Variants in AMOTL2 observed in about 807,000 individuals in gnomAD.
The protein encoded by AMOTL2 is angiomotin like 2, also known as angiomotin-like protein 2.
Under a neutral mutation model 78.4 loss-of-function variants are expected in AMOTL2, and 33 were observed. The observed-to-expected ratio is 0.42, with a 90% CI of 0.32 to 0.56. AMOTL2 has a LOEUF of 0.56. Among genes scored for constraint, AMOTL2 ranks in the 20% least tolerant of loss-of-function variants. The pLI, the probability that AMOTL2 is intolerant of heterozygous loss-of-function variation, is 0.12. For synonymous variants in AMOTL2, 422 were observed against 428.8 expected (o/e 0.98, Z 0.20); for missense variants, 983 against 1,030.1 (o/e 0.95, Z 0.63).
At position 134,365,912 on chromosome 3, in the gene AMOTL2, G is replaced by T. The variant is rs1183442048; in HGVS notation, c.1187-3C>A. On this transcript the variant is annotated splice_region_variant and splice_polypyrimidine_tract_variant and intron_variant, in intron 4 of 9. Coordinates refer to ENST00000249883, the MANE Select transcript of AMOTL2 (RefSeq NM_016201.4). ...GCGATTTGCAGATTCCAATCTCTCT[G>T]TTTCAAGGGAAGGAAAGATGTTTTA... is the stretch of plus-strand genomic sequence containing the variant. 6.2e-7 allele frequency: 1 copy of T among 1,613,802 alleles called. No homozygotes were observed. Among genetic ancestry groups the T allele is most frequent in the Non-Finnish European group, 8.5e-7 (1 of 1,179,804 alleles).
chr3:134,364,658 C>G (rs2017530612), intron 5 of AMOTL2, among the ~76,000 whole-genome samples: 1 of 151,958 alleles, frequency 6.6e-6, no homozygotes, highest in Non-Finnish European at 1.5e-5. Context: ...GTGCTGTGTT[C>G]CCCCATTCCC....
rs768912691 is a variant in AMOTL2, at chr3:134,371,483, G to A, written c.-50C>T. On this transcript the variant is annotated 5_prime_UTR_variant, in exon 2 of 10. Transcript: ENST00000249883. ...CCTGGACAATGGCCGGTGGCACCTGGCCCCAGAGCACCTGGAGTGGGGTGG... is the reference window on the plus strand; with the variant it reads ...CCTGGACAATGGCCGGTGGCACCTGACCCCAGAGCACCTGGAGTGGGGTGG... 5 of 1,589,200 alleles carry A rather than the reference G, an allele frequency of 3.1e-6. No homozygotes were observed. The highest frequency in any genetic ancestry group is 4.3e-6 in the Non-Finnish European group (5 of 1,172,046).
chr3:134,367,373 G>T, intron 3 of AMOTL2, 124 bp downstream of exon 3: 1 of 1,158,452 alleles, frequency 8.6e-7, no homozygotes, highest in Non-Finnish European at 1.2e-6. Context: ...AAGACAGAGG[G>T]ATAGGGAGAA....
rs2017064695 is a variant in AMOTL2 at position 134,356,037 on chromosome 3, C to G, written c.*1668G>C. The G allele has an allele frequency of 6.6e-6, 1 of 152,552 alleles. No individual in the cohort carries two copies. Among genetic ancestry groups the G allele is most frequent in the Non-Finnish European group, 1.5e-5 (1 of 68,022 alleles). The allele number at this position is 152,552 out of a possible 1,614,324, so 9.4% of individuals were successfully genotyped here. On this transcript the variant is annotated 3_prime_UTR_variant, in exon 10 of 10. Coordinates refer to ENST00000249883, the MANE Select transcript of AMOTL2 (RefSeq NM_016201.4). ...ATCATGGTCTTTGGCAGAAAATGTT[C>G]ACAGCACAAAAAATACTTTAAAAGA...
chr3:134,374,933 G>T, upstream of AMOTL2: 1 of 1,329,518 alleles, frequency 7.5e-7, no homozygotes, highest in Non-Finnish European at 9.7e-7. Context: ...GTGTGCGTGT[G>T]TGTGTACCGG....
At chr3:134,374,870 G>T, upstream of AMOTL2, 1 of 1,242,420 alleles carries the variant, frequency 8.0e-7, no homozygotes, top group Non-Finnish European at 1.0e-6. Flanking sequence ...TACCACGCGT[G>T]TCCTGGGGTT....
chr3:134,359,463 C>T lies in AMOTL2; in HGVS notation c.1924G>A (p.Val642Met). The change falls in exon 8 of 10, where the codon GTG becomes ATG. Residue 642 changes from valine (V) to methionine (M), a missense_variant. Physicochemically the swap from Val to Met is conservative, Grantham distance 21. Transcript: ENST00000249883. ...LHAQILEKDA[V>M]IKVLQQRSRR... ...GAGCGCTGCTGAAGGACCTTGATCA[C>T]TGCATCCTTCTCCAGGATCTGGGCA... 1 of 1,614,102 alleles carries T rather than the reference C, an allele frequency of 6.2e-7. No homozygotes were observed. Among genetic ancestry groups the T allele is most frequent in the Non-Finnish European group, 8.5e-7 (1 of 1,180,004 alleles).
chr3:134,366,205 C>G (rs2017596509), intron 4 of AMOTL2, 78 bp downstream of exon 4: 2 of 1,547,404 alleles, frequency 1.3e-6, no homozygotes, highest in Non-Finnish European at 1.7e-6. Flanking sequence ...AATAGAGATT[C>G]CCAATTTTTC....
At chr3:134,361,035 G>A (rs936343445) in intron 6 of AMOTL2, among the ~76,000 whole-genome samples, 13 of 152,170 alleles carry the variant, frequency 8.5e-5, no homozygotes, top group Non-Finnish European at 5.9e-5. Context: ...TTAGCTGGGC[G>A]TGGTGGCGCA....
At position 134,359,327 on chromosome 3, in the gene AMOTL2, G is replaced by A. The variant is rs1180961361; in HGVS notation, c.2060C>T (p.Ser687Phe). The change falls in exon 8 of 10, where the codon TCT becomes TTT. Residue 687 changes from serine to phenylalanine, a missense_variant. Ser to Phe is a radical substitution (Grantham distance 155). Transcript: ENST00000249883. ...GGCGTCTGCTGTTTGTCGCTCACTAGAAGAGAGCCCTTGCCAGCCCTGGGT... is the reference window on the plus strand; with the variant it reads ...GGCGTCTGCTGTTTGTCGCTCACTAAAAGAGAGCCCTTGCCAGCCCTGGGT... ...AGTQGWQGLS[S>F]SERQTADAPA... The A allele has an allele frequency of 6.2e-7, 1 of 1,614,216 alleles. No individual in the cohort carries two copies. Among genetic ancestry groups the A allele is most frequent in the Non-Finnish European group, 8.5e-7 (1 of 1,180,042 alleles).
Position 134,361,730 on chromosome 3 carries a change from G to A in AMOTL2, c.1357C>T (p.Arg453Trp), listed in dbSNP as rs557196408. 8.7e-6 allele frequency: 14 copies of A among 1,607,076 alleles called. No homozygotes were observed. The East Asian group carries it at 1.8e-4, about 21-fold the overall frequency. ...LLRGAIEDQRRRAELLEQALG... is the reference protein window; with the variant it reads ...LLRGAIEDQRWRAELLEQALG... The stretch of plus-strand genomic sequence containing the variant: ...GCCTGCTCCAGCAGCTCGGCACGCC[G>A]CCGCTGGTCCTCGATGGCGCCGCGC... The change falls in exon 6 of 10, where the codon CGG becomes TGG. Residue 453 changes from arginine to tryptophan, a missense_variant. Transcript: ENST00000249883.
intron 1 of AMOTL2, chr3:134,372,044 C>G: frequency 6.4e-6 from 1 of 156,690 alleles, no homozygotes. Context: ...AGTAGAAGCC[C>G]TAGGCGAAAG....
At chr3:134,364,980 T>C (rs2017541040) in intron 5 of AMOTL2, among the ~76,000 whole-genome samples, 1 of 152,120 alleles carries the variant, frequency 6.6e-6, no homozygotes, top group Admixed American at 6.5e-5. Flanking sequence ...CATGTACCTC[T>C]TGAACTGCCC....
intron 6 of AMOTL2, 73 bp from the exon 7 acceptor site, chr3:134,360,486 A>G: frequency 3.9e-6 from 5 of 1,293,570 alleles, no homozygotes; most frequent in Non-Finnish European, 5.4e-6. Context: ...CTTCGCCTCC[A>G]CACGACTGTC....
At chr3:134,375,118 C>G, upstream of AMOTL2, 1 of 1,517,640 alleles carries the variant, frequency 6.6e-7, no homozygotes, top group Non-Finnish European at 8.8e-7. Flanking sequence ...CCTTCGCCAG[C>G]TATTTTACGA....
At chr3:134,358,744 TGCCATGCCTGTAAGATGTG>T in intron 8 of AMOTL2, 25 bp from the exon 9 acceptor site, 1 of 1,613,480 alleles carries the variant, frequency 6.2e-7, no homozygotes, top group East Asian at 2.2e-5. Flanking sequence ...GGATGGTTAT[TGCCATGCCTGTAAGATGTG>T]GCCCTGGTGA....
In AMOTL2 at chr3:134,361,742, C is replaced by T. The variant is rs377093098; in HGVS notation, c.1345G>A (p.Glu449Lys). ...AGCTCGGCACGCCGCCGCTGGTCCT[C>T]GATGGCGCCGCGCAGCAGTGCCATC... is the stretch of plus-strand genomic sequence containing the variant. ...REMALLRGAI[E>K]DQRRRAELLE... is the part of the protein sequence containing the mutation. Residue 449 changes from glutamate (E) to lysine (K), a missense_variant, in exon 6 of 10, where the codon GAG (glutamate) becomes AAG (lysine). Coordinates refer to ENST00000249883, the MANE Select transcript of AMOTL2 (RefSeq NM_016201.4). 136 of 1,601,930 alleles carry T rather than the reference C, an allele frequency of 8.5e-5. No individual in the cohort carries two copies. The highest frequency in any genetic ancestry group is 3.3e-4 in the Middle Eastern group (2 of 6,036).
At position 134,356,316 on chromosome 3, in the gene AMOTL2, A is replaced by T. The variant is rs1477216334; in HGVS notation, c.*1389T>A. The T allele has an allele frequency of 6.6e-6, 1 of 152,602 alleles. No homozygotes were observed. Among genetic ancestry groups the T allele is most frequent in the Non-Finnish European group, 1.5e-5 (1 of 68,064 alleles). 9.5% of individuals were successfully genotyped at this position (152,602 alleles called of 1,614,324 possible). On this transcript the variant is annotated 3_prime_UTR_variant, in exon 10 of 10. Transcript: ENST00000249883. ...ATACCAAACCTAAAAACGATAAAGG[A>T]AGAAAACAAAGAATCAAGGAGAACT...
At chr3:134,361,844 C>T in intron 5 of AMOTL2, 37 bp from the exon 6 acceptor site, 1 of 1,487,144 alleles carries the variant, frequency 6.7e-7, no homozygotes, top group Non-Finnish European at 9.0e-7. Context: ...TGACAGTGAC[C>T]ACGTTGGCTG....
Sources: gnomAD v4.1 joint callset for allele counts (sites outside exome capture counted in the v4.1 genomes callset) on GRCh38, gnomAD v4.1.1 for gene constraint, MANE v1.5 for transcripts, NCBI Gene and HGNC (gene_info 2026-07-23, HGNC 2026-07-21) for gene names.